The following PTPRM variants were observed in gnomAD, a reference collection of about 807,000 sequenced individuals.
The protein encoded by PTPRM is receptor-type tyrosine-protein phosphatase mu.
In PTPRM, 47 loss-of-function variants were observed where a neutral mutation model predicts 186.7. The observed-to-expected ratio is 0.25, with a 90% CI of 0.20 to 0.32. PTPRM has a LOEUF of 0.32. Among genes scored for constraint, PTPRM ranks in the 10% least tolerant of loss-of-function variants. The pLI is 1.00. For synonymous variants in PTPRM, 668 were observed against 674.9 expected (o/e 0.99, Z 0.16); for missense variants, 1,494 against 1,865.0 (o/e 0.80, Z 3.66).
At chr18:7,692,451 C>T (rs959380708) in intron 1 of PTPRM, among the ~76,000 whole-genome samples, 5 of 152,168 alleles carry the variant, frequency 3.3e-5, no homozygotes, top group Admixed American at 2.0e-4. Flanking sequence ...ACTGCTCTCC[C>T]GCCTGGGTGA....
At chr18:7,714,612 A>G (rs562584704) in intron 1 of PTPRM, among the ~76,000 whole-genome samples, 1 of 152,156 alleles carries the variant, frequency 6.6e-6, no homozygotes, top group Admixed American at 6.6e-5. Context: ...CAAAATAGAT[A>G]GACCACTAGC....
intron 7 of PTPRM, among the ~76,000 whole-genome samples, chr18:8,063,145 G>A (rs1161363296): frequency 6.6e-6 from 1 of 151,690 alleles, no homozygotes; most frequent in Admixed American, 6.5e-5. Context: ...GCCAGGTGTG[G>A]GATATAGTCT....
chr18:7,793,477 T>G (rs998576642), intron 2 of PTPRM, among the ~76,000 whole-genome samples: 6 of 148,772 alleles, frequency 4.0e-5, no homozygotes, highest in Non-Finnish European at 8.8e-5. Context: ...TTCTCTTATG[T>G]TTTCTCTTAA....
rs781543450 is a variant in PTPRM at position 7,667,356 on chromosome 18, T to G, written c.73+99465T>G. On this transcript the variant is annotated intron_variant, in intron 1 of 32. Transcript: ENST00000580170. ...TATTGATGCTTCATTACACAGCAGCTTCTTATTACAACAGGTGCAAATGAA... is the reference window on the plus strand; with the variant it reads ...TATTGATGCTTCATTACACAGCAGCGTCTTATTACAACAGGTGCAAATGAA... Among the ~76,000 whole-genome samples the G allele has an allele frequency of 3.3e-5, 5 of 152,324 alleles. No homozygotes were observed. The East Asian group carries it at 9.7e-4, about 29-fold the overall frequency.
intron 19 of PTPRM, among the ~76,000 whole-genome samples, chr18:8,254,570 C>T (rs537865559): frequency 6.6e-6 from 1 of 152,286 alleles, no homozygotes; most frequent in East Asian, 1.9e-4. Context: ...ACCTAACTAG[C>T]TCAGAGTTGG....
At chr18:8,199,996 T>C (rs1022562330) in intron 14 of PTPRM, among the ~76,000 whole-genome samples, 22 of 152,130 alleles carry the variant, frequency 1.4e-4, no homozygotes, top group African/African-American at 5.1e-4. Context: ...TTGTCACATA[T>C]GATAAATATT....
intron 2 of PTPRM, among the ~76,000 whole-genome samples, chr18:7,843,283 C>T (rs2046439339): frequency 6.6e-6 from 1 of 152,152 alleles, no homozygotes; most frequent in South Asian, 2.1e-4. Flanking sequence ...TCAACTGGCC[C>T]TGTCTCTCCT....
At chr18:7,807,050 T>C (rs1413365562) in intron 2 of PTPRM, among the ~76,000 whole-genome samples, 1 of 152,198 alleles carries the variant, frequency 6.6e-6, no homozygotes, top group African/African-American at 2.4e-5. Context: ...TTTTTGAGAG[T>C]CTTGCTTTGG....
At chr18:7,791,306 A>G (rs1008039792) in intron 2 of PTPRM, among the ~76,000 whole-genome samples, 5 of 152,180 alleles carry the variant, frequency 3.3e-5, no homozygotes, top group Non-Finnish European at 5.9e-5. Context: ...AAGAATTTAC[A>G]TAATAGAAAA....
intron 1 of PTPRM, among the ~76,000 whole-genome samples, chr18:7,651,341 T>TA (rs1180645297): frequency 3.3e-5 from 5 of 151,888 alleles, no homozygotes; most frequent in Non-Finnish European, 5.9e-5. Context: ...AAACTGCTCT[T>TA]CAAAAAACAC....
At chr18:7,783,289 AC>A (rs1958850168) in intron 2 of PTPRM, among the ~76,000 whole-genome samples, 1 of 152,056 alleles carries the variant, frequency 6.6e-6, no homozygotes, top group African/African-American at 2.4e-5. Context: ...TGTGTGTTCC[AC>A]CTGTCGGGCT....
At chr18:8,117,066 C>T (rs551999920) in intron 13 of PTPRM, among the ~76,000 whole-genome samples, 7 of 152,280 alleles carry the variant, frequency 4.6e-5, no homozygotes, top group Non-Finnish European at 8.8e-5. Context: ...TCTACATGGA[C>T]GGATTCATCA....
chr18:8,236,817 T>C (rs930662393), intron 14 of PTPRM, among the ~76,000 whole-genome samples: 2 of 152,180 alleles, frequency 1.3e-5, no homozygotes, highest in Admixed American at 6.5e-5. Context: ...GCTGAGATTA[T>C]AGGTGTGAGC....
intron 1 of PTPRM, among the ~76,000 whole-genome samples, chr18:7,750,656 T>G (rs2041170778): frequency 1.3e-5 from 2 of 152,176 alleles, no homozygotes; most frequent in South Asian, 2.1e-4. Context: ...TTGGTCACTT[T>G]CAGCACAGGT....
At chr18:7,579,888 T>G (rs1391301990) in intron 1 of PTPRM, among the ~76,000 whole-genome samples, 1 of 152,214 alleles carries the variant, frequency 6.6e-6, no homozygotes, top group African/African-American at 2.4e-5. Flanking sequence ...AAAAGCTTGG[T>G]GCTTTGATTG....
At chr18:8,036,782 G>A (rs975377129) in intron 7 of PTPRM, among the ~76,000 whole-genome samples, 1 of 152,116 alleles carries the variant, frequency 6.6e-6, no homozygotes, top group Non-Finnish European at 1.5e-5. Context: ...TAATTTGGGC[G>A]CTTCGCTTGA....
intron 2 of PTPRM, among the ~76,000 whole-genome samples, chr18:7,883,797 T>C (rs142137679): frequency 8.5e-4 from 129 of 152,310 alleles, no homozygotes; most frequent in African/African-American, 3.0e-3. Flanking sequence ...AGGTGAATTA[T>C]AGTAGGACCA....
At chr18:8,222,219 A>C (rs1183756684) in intron 14 of PTPRM, among the ~76,000 whole-genome samples, 1 of 152,212 alleles carries the variant, frequency 6.6e-6, no homozygotes, top group Non-Finnish European at 1.5e-5. Flanking sequence ...ATTTTGGTTG[A>C]TTTAACAGAA....
At chr18:7,818,183 T>C (rs1040674898) in intron 2 of PTPRM, among the ~76,000 whole-genome samples, 1 of 152,144 alleles carries the variant, frequency 6.6e-6, no homozygotes, top group Non-Finnish European at 1.5e-5. Flanking sequence ...ACAACAGCAG[T>C]CTCTCTTCTC....
Sources: allele counts gnomAD v4.1 joint callset (sites outside exome capture counted in the v4.1 genomes callset), GRCh38; gene constraint gnomAD v4.1.1; transcripts MANE v1.5; gene names NCBI Gene and HGNC (gene_info 2026-07-23, HGNC 2026-07-21).